The following GALNTL6 variants were observed in gnomAD, a reference collection of about 807,000 sequenced individuals.
GALNTL6 encodes the protein polypeptide N-acetylgalactosaminyltransferase-like 6.
A neutral mutation model predicts 73.7 loss-of-function variants in GALNTL6; 46 were observed. The observed-to-expected ratio is 0.62, with a 90% confidence interval of 0.49 to 0.80. The LOEUF (loss-of-function observed/expected upper bound fraction) is 0.80. Among genes scored for constraint, GALNTL6 ranks in the 30% least tolerant of loss-of-function variants. GALNTL6 has a pLI of 0.00. For synonymous variants in GALNTL6, 259 were observed against 263.7 expected, an observed-to-expected ratio of 0.98 and a Z score of 0.17; for missense variants, 604 against 755.0, an observed-to-expected ratio of 0.80 and a Z score of 2.34.
At chr4:172,273,111 C>T (rs1189953701) in intron 3 of GALNTL6, among the ~76,000 whole-genome samples, 2 of 152,078 alleles carry the variant, frequency 1.3e-5, no homozygotes, top group East Asian at 1.9e-4. Context: ...TATCCTCAAA[C>T]ACATATAATT....
chr4:172,976,147 A>G (rs1213797866), intron 10 of GALNTL6, among the ~76,000 whole-genome samples: 1 of 152,172 alleles, frequency 6.6e-6, no homozygotes, highest in Non-Finnish European at 1.5e-5. Flanking sequence ...CTCTGCCATC[A>G]CTGGTATTTA....
rs1279057449 is a variant in GALNTL6 at position 172,631,956 on chromosome 4, G to GTGGTGGTGAATATT, written c.554-177401_554-177400insGGTGAATATTTGGT. On this transcript the variant is annotated intron_variant, in intron 5 of 12. Transcript: ENST00000506823. ...GTACCTAGAAATATATGGTGAATATGTGGTAGTGAATAAGTCTCATGAAAC... is the reference window on the plus strand; with the variant it reads ...GTACCTAGAAATATATGGTGAATATGTGGTGGTGAATATTTGGTAGTGAATAAGTCTCATGAAAC... Among the ~76,000 whole-genome samples, 3 of 152,208 alleles carry GTGGTGGTGAATATT rather than the reference G, an allele frequency of 2.0e-5. 1 individual carries two copies. The highest frequency in any genetic ancestry group is 7.2e-5 in the African/African-American group (3 of 41,458).
intron 5 of GALNTL6, among the ~76,000 whole-genome samples, chr4:172,698,786 G>A (rs67959186): frequency 0.17 from 25,877 of 152,010 alleles, 2,995 homozygotes; most frequent in Middle Eastern, 0.33. Flanking sequence ...GAGATATATA[G>A]GACAACTCAC....
At chr4:172,599,513 T>A (rs911795765) in intron 5 of GALNTL6, among the ~76,000 whole-genome samples, 3 of 152,162 alleles carry the variant, frequency 2.0e-5, no homozygotes, top group Admixed American at 2.0e-4. Context: ...GTTCTAATAA[T>A]CTAAATATTA....
chr4:171,985,302 A>T (rs1481904558), intron 2 of GALNTL6, among the ~76,000 whole-genome samples: 1 of 152,210 alleles, frequency 6.6e-6, no homozygotes, highest in Non-Finnish European at 1.5e-5. Context: ...GCCAGAGAAA[A>T]TGAGAGCCAA....
At chr4:172,766,525 AG>A (rs1349308895) in intron 5 of GALNTL6, among the ~76,000 whole-genome samples, 1 of 152,130 alleles carries the variant, frequency 6.6e-6, no homozygotes, top group African/African-American at 2.4e-5. Flanking sequence ...TACTAAGAAT[AG>A]TTACTTAAAT....
chr4:172,108,307 T>A (rs1579146730), intron 2 of GALNTL6, among the ~76,000 whole-genome samples: 1 of 152,154 alleles, frequency 6.6e-6, no homozygotes, highest in Admixed American at 6.5e-5. Context: ...TAGGGTTCTC[T>A]CTATAATAAT....
intron 8 of GALNTL6, among the ~76,000 whole-genome samples, chr4:172,930,174 A>G (rs1351748449): frequency 6.6e-6 from 1 of 152,104 alleles, no homozygotes; most frequent in East Asian, 1.9e-4. Flanking sequence ...GCCACTTGGG[A>G]GGCTGAGGCA....
chr4:172,202,953 A>G (rs1250155915), intron 2 of GALNTL6, among the ~76,000 whole-genome samples: 1 of 152,208 alleles, frequency 6.6e-6, no homozygotes, highest in Non-Finnish European at 1.5e-5. Context: ...AAAAATTGAG[A>G]GGAAAACAAT....
chr4:172,055,211 G>A (rs1162375627), intron 2 of GALNTL6, among the ~76,000 whole-genome samples: 1 of 152,094 alleles, frequency 6.6e-6, no homozygotes, highest in Non-Finnish European at 1.5e-5. Flanking sequence ...TTCTGAGATG[G>A]CCAGTTCTCA....
intron 5 of GALNTL6, among the ~76,000 whole-genome samples, chr4:172,788,857 T>C (rs540170115): frequency 6.6e-6 from 1 of 151,996 alleles, no homozygotes; most frequent in Admixed American, 6.5e-5. Context: ...TAGGACTAGA[T>C]AAGTGTGAGT....
chr4:172,083,343 C>T (rs1280861581), intron 2 of GALNTL6, among the ~76,000 whole-genome samples: 2 of 152,122 alleles, frequency 1.3e-5, no homozygotes, highest in African/African-American at 4.8e-5. Context: ...GCACAAAACA[C>T]TCCATTTAAA....
At chr4:172,665,792 C>T (rs1199610731) in intron 5 of GALNTL6, among the ~76,000 whole-genome samples, 1 of 152,048 alleles carries the variant, frequency 6.6e-6, no homozygotes, top group African/African-American at 2.4e-5. Context: ...TTCTATGTTA[C>T]TTGTTTCTAT....
chr4:172,820,964 G>A (rs928380444), intron 7 of GALNTL6, among the ~76,000 whole-genome samples: 1 of 152,250 alleles, frequency 6.6e-6, no homozygotes, highest in African/African-American at 2.4e-5. Flanking sequence ...GAGTTAACTA[G>A]GTCTTCAGCT....
intron 2 of GALNTL6, 111 bp from the exon 3 acceptor site, chr4:172,229,545 C>T (rs530951852): frequency 3.2e-6 from 2 of 631,480 alleles, no homozygotes; most frequent in African/African-American, 1.8e-5. Context: ...TCAGAAGATT[C>T]ACTTATTTAA....
chr4:172,725,727 T>A (rs750722447), intron 5 of GALNTL6, among the ~76,000 whole-genome samples: 25 of 152,230 alleles, frequency 1.6e-4, no homozygotes, highest in Admixed American at 5.9e-4. Context: ...GGTTAATGAA[T>A]GATAAACAGT....
intron 2 of GALNTL6, among the ~76,000 whole-genome samples, chr4:171,890,216 C>A (rs552581561): frequency 7.9e-5 from 12 of 152,202 alleles, no homozygotes; most frequent in African/African-American, 2.6e-4. Context: ...TATATATCAT[C>A]ATTTCCAAGA....
intron 3 of GALNTL6, among the ~76,000 whole-genome samples, chr4:172,302,419 C>T (rs1308671198): frequency 2.0e-5 from 3 of 152,264 alleles, no homozygotes; most frequent in Middle Eastern, 3.4e-3. Flanking sequence ...GCACCCAGTA[C>T]CTCAGTTGGA....
At chr4:172,560,772 T>A (rs2110924118) in intron 5 of GALNTL6, among the ~76,000 whole-genome samples, 1 of 152,360 alleles carries the variant, frequency 6.6e-6, no homozygotes, top group East Asian at 1.9e-4. Context: ...AGGAGTTTTG[T>A]TAAATCTTTA....
Sources: gnomAD v4.1 joint callset for allele counts (sites outside exome capture counted in the v4.1 genomes callset) on GRCh38, gnomAD v4.1.1 for gene constraint, MANE v1.5 for transcripts, NCBI Gene and HGNC (gene_info 2026-07-23, HGNC 2026-07-21) for gene names.